The following WDR7 variants were observed in gnomAD, a reference collection of about 807,000 sequenced individuals.
WDR7 encodes WD repeat-containing protein 7.
In WDR7, 46 loss-of-function variants were observed where a neutral mutation model predicts 169.4. The observed-to-expected ratio is 0.27, with a 90% CI of 0.21 to 0.35. The LOEUF (loss-of-function observed/expected upper bound fraction) is 0.35, where lower values mean the gene tolerates loss of function less well. WDR7 is among the 10% of genes least tolerant of loss of function. The pLI, the probability that WDR7 is intolerant of heterozygous loss-of-function variation, is 1.00. For synonymous variants in WDR7, 612 were observed against 666.8 expected (o/e 0.92, Z 1.27); for missense variants, 1,534 against 1,859.3 (o/e 0.83, Z 3.22).
intron 12 of WDR7, among the ~76,000 whole-genome samples, chr18:56,717,075 C>T (rs375912900): frequency 4.6e-5 from 7 of 152,298 alleles, no homozygotes; most frequent in East Asian, 3.9e-4. Context: ...GCCTCCCCCT[C>T]AATAAATAGC....
chr18:56,662,695 G>A (rs1176893780), intron 1 of WDR7, among the ~76,000 whole-genome samples: 1 of 152,112 alleles, frequency 6.6e-6, no homozygotes, highest in Non-Finnish European at 1.5e-5. Context: ...AACAGGTGTA[G>A]TAAAAACAGG....
chr18:56,683,945 A>G (rs775249311), intron 5 of WDR7, among the ~76,000 whole-genome samples: 26 of 152,204 alleles, frequency 1.7e-4, no homozygotes, highest in Non-Finnish European at 3.1e-4. Context: ...ATTCTAGTAA[A>G]GGACAATGAT....
At chr18:56,670,551 G>T (rs2025111079) in intron 1 of WDR7, among the ~76,000 whole-genome samples, 1 of 151,990 alleles carries the variant, frequency 6.6e-6, no homozygotes, top group African/African-American at 2.4e-5. Flanking sequence ...TTGCTCTGTT[G>T]CCAGGCTGGA....
chr18:57,023,283 G>A (rs964546219), intron 27 of WDR7, among the ~76,000 whole-genome samples: 1 of 152,180 alleles, frequency 6.6e-6, no homozygotes, highest in Non-Finnish European at 1.5e-5. Flanking sequence ...TTGTAATGAT[G>A]TATCAGAATA....
intron 7 of WDR7, among the ~76,000 whole-genome samples, chr18:56,690,172 A>G (rs1268848350): frequency 6.6e-6 from 1 of 152,162 alleles, no homozygotes; most frequent in African/African-American, 2.4e-5. Context: ...TGGCTCTATC[A>G]CTTACTGGAC....
At chr18:56,985,584 A>G (rs2047703167) in intron 26 of WDR7, among the ~76,000 whole-genome samples, 1 of 152,144 alleles carries the variant, frequency 6.6e-6, no homozygotes, top group Non-Finnish European at 1.5e-5. Context: ...ATCAAGTAAA[A>G]TCTTTCCTCT....
intron 26 of WDR7, among the ~76,000 whole-genome samples, chr18:56,983,501 C>T (rs2047673362): frequency 6.6e-6 from 1 of 152,072 alleles, no homozygotes; most frequent in Non-Finnish European, 1.5e-5. Flanking sequence ...AATTTATACT[C>T]AGTTTCTCTC....
rs111518219 is a variant in WDR7, at chr18:56,856,798, C to T, written c.3305-23146C>T. Among the ~76,000 whole-genome samples, 336 of 152,108 alleles carry T rather than the reference C, an allele frequency of 2.2e-3. 3 individuals are homozygous for T. Among genetic ancestry groups the T allele is most frequent in the African/African-American group, 7.7e-3 (320 of 41,518 alleles). The stretch of plus-strand genomic sequence containing the variant: ...CAGAGTGTATGTAATGCCATTTTAC[C>T]GTCCTCCTGCCTCCTCCCCTAGTTT... On this transcript the variant is annotated intron_variant, in intron 20 of 27. Transcript: ENST00000254442.
At chr18:57,003,842 T>C (rs1340175241) in intron 26 of WDR7, among the ~76,000 whole-genome samples, 1 of 152,042 alleles carries the variant, frequency 6.6e-6, no homozygotes, top group East Asian at 1.9e-4. Flanking sequence ...GCACTGTAAA[T>C]ATTGATCATT....
intron 19 of WDR7, among the ~76,000 whole-genome samples, chr18:56,794,090 A>C (rs2044538925): frequency 6.6e-6 from 1 of 152,064 alleles, no homozygotes; most frequent in Non-Finnish European, 1.5e-5. Context: ...TGTTTTAAAA[A>C]CATTTGTATC....
At chr18:56,791,884 G>GA (rs1392941715) in intron 19 of WDR7, among the ~76,000 whole-genome samples, 1 of 152,160 alleles carries the variant, frequency 6.6e-6, no homozygotes, top group East Asian at 1.9e-4. Flanking sequence ...CAGGAGGGAT[G>GA]AGTTTCAAAA....
intron 25 of WDR7, 134 bp downstream of exon 25, chr18:56,939,527 AAC>A: frequency 1.9e-6 from 1 of 530,964 alleles, no homozygotes; most frequent in East Asian, 3.4e-5. Flanking sequence ...TACTTTCTAA[AAC>A]AATATGGGCA....
At chr18:56,783,832 G>A (rs961524519) in intron 19 of WDR7, among the ~76,000 whole-genome samples, 2 of 152,176 alleles carry the variant, frequency 1.3e-5, no homozygotes, top group African/African-American at 4.8e-5. Context: ...TGTAGTGGAT[G>A]CCTTTTTATT....
chr18:56,776,004 C>T (rs904970528), intron 16 of WDR7, among the ~76,000 whole-genome samples: 5 of 152,140 alleles, frequency 3.3e-5, no homozygotes, highest in African/African-American at 1.2e-4. Context: ...ACATTGACCT[C>T]CAGTTGTAGA....
chr18:56,984,522 A>G lies in WDR7; in HGVS notation c.4164+21993A>G, dbSNP rs371148652. On this transcript the variant is annotated intron_variant, in intron 26 of 27. Transcript: ENST00000254442. ...TTGAGCACTAGCAATACTAGACACC[A>G]AAGTTAACAAAGTAAAATCTCCCAA... 5.3e-5 allele frequency among the ~76,000 whole-genome samples: 8 copies of G among 152,360 alleles called. No homozygotes were observed. In the South Asian group the frequency reaches 1.2e-3, roughly 24 times the overall value.
In WDR7 at chr18:56,700,252, C is replaced by CTTTTT. The variant is rs1226348026; in HGVS notation, c.1578+3809_1578+3813dup. 1.8e-3 allele frequency among the ~76,000 whole-genome samples: 120 copies of CTTTTT among 67,256 alleles called. 5 individuals carry two copies. Among genetic ancestry groups the CTTTTT allele is most frequent in the African/African-American group, 3.2e-3 (52 of 16,410 alleles). 44.1% of individuals were successfully genotyped at this position (67,256 alleles called of 152,430 possible). The stretch of plus-strand genomic sequence containing the variant: ...AAAGATACTGTTTATTTTTCATTTT[C>CTTTTT]TTTTTTTTTTTTTTTTTTTTTTTGA... On this transcript the variant is annotated intron_variant, in intron 12 of 27. Coordinates refer to ENST00000254442, the MANE Select transcript of WDR7 (RefSeq NM_015285.3).
At chr18:56,896,386 C>T (rs1339417726) in intron 21 of WDR7, among the ~76,000 whole-genome samples, 2 of 151,746 alleles carry the variant, frequency 1.3e-5, no homozygotes, top group African/African-American at 4.8e-5. Context: ...AGCCATGACA[C>T]TCCTAAAGAA....
chr18:56,966,682 AC>A (rs1157044203), intron 26 of WDR7, among the ~76,000 whole-genome samples: 1 of 152,076 alleles, frequency 6.6e-6, no homozygotes, highest in Non-Finnish European at 1.5e-5. Context: ...GGCACCCCTT[AC>A]CCCTGCATTC....
intron 20 of WDR7, among the ~76,000 whole-genome samples, chr18:56,821,060 A>C (rs1271804854): frequency 1.3e-5 from 2 of 152,190 alleles, no homozygotes; most frequent in African/African-American, 4.8e-5. Context: ...TTCAATCAGT[A>C]AATATTTTTG....
Sources: allele counts gnomAD v4.1 joint callset (sites outside exome capture counted in the v4.1 genomes callset), GRCh38; gene constraint gnomAD v4.1.1; transcripts MANE v1.5; gene names NCBI Gene and HGNC (gene_info 2026-07-23, HGNC 2026-07-21).